The following PIGB variants were observed in gnomAD, a reference collection of about 807,000 sequenced individuals.
PIGB encodes the protein phosphatidylinositol glycan anchor biosynthesis class B, also known as GPI alpha-1,2-mannosyltransferase 3.
Under a neutral mutation model 68.4 loss-of-function variants are expected in PIGB, and 58 were observed. That is an observed-to-expected ratio of 0.85 (90% CI 0.69 to 1.06). PIGB has a LOEUF of 1.06. Among genes scored for constraint, PIGB ranks in the 50% least tolerant of loss-of-function variants. The pLI is 0.00. For missense variants in PIGB, 634 were observed against 655.8 expected, an observed-to-expected ratio of 0.97 and a Z score of 0.36; for synonymous variants, 219 against 220.5, an observed-to-expected ratio of 0.99 and a Z score of 0.06.
chr15:55,334,886 A>AT (rs2055499682), intron 6 of PIGB, among the ~76,000 whole-genome samples: 1 of 152,126 alleles, frequency 6.6e-6, no homozygotes, highest in African/African-American at 2.4e-5. Context: ...CGCCTGGCTA[A>AT]TTTTTTTATT....
In PIGB at chr15:55,339,302, G is replaced by GT; in HGVS notation, c.831dup (p.Ile278TyrfsTer12). ...TTGAGTTTGTCTCTGATGATTGATC[G>GT]TATTTTTTTTGGCCAAGTAAGTAAA... On this transcript the variant is annotated frameshift_variant, in exon 7 of 12. Coordinates refer to ENST00000164305, the MANE Select transcript of PIGB (RefSeq NM_004855.5). LOFTEE classifies it high-confidence loss of function. 6.4e-7 allele frequency: 1 copy of GT among 1,552,504 alleles called. No homozygotes were observed. Among genetic ancestry groups the GT allele is most frequent in the Non-Finnish European group, 8.7e-7 (1 of 1,146,854 alleles).
At chr15:55,352,654 T>C (rs936145585) in intron 10 of PIGB, among the ~76,000 whole-genome samples, 39 of 152,302 alleles carry the variant, frequency 2.6e-4, no homozygotes, top group African/African-American at 8.7e-4. Context: ...CCAGGTGTTG[T>C]GGCGCATGCC....
In PIGB at chr15:55,354,612, A is replaced by G. The variant is rs751787462; in HGVS notation, c.1338-186A>G. Reference sequence around the variant, plus strand: ...TATACTGCTGCTGCTGCATAGGTACATGGTATAAGAATCATGTTTTTTTTA... The same window carrying G: ...TATACTGCTGCTGCTGCATAGGTACGTGGTATAAGAATCATGTTTTTTTTA... On this transcript the variant is annotated intron_variant, in intron 10 of 11. Transcript: ENST00000164305. The G allele has an allele frequency of 9.0e-6, 5 of 553,308 alleles. No homozygotes were observed. In the South Asian group the frequency reaches 1.0e-4, roughly 11 times the overall value. 34.3% of individuals were successfully genotyped at this position (553,308 alleles called of 1,614,324 possible). A position where few individuals can be genotyped will look rare whatever the true frequency, so the allele number is the denominator to read the frequency against.
At chr15:55,331,389 A>G (rs1242462455) in intron 5 of PIGB, among the ~76,000 whole-genome samples, 2 of 152,132 alleles carry the variant, frequency 1.3e-5, no homozygotes, top group African/African-American at 2.4e-5. Context: ...AGACCTGACA[A>G]TAAAATGACA....
chr15:55,353,641 C>T (rs933200974), intron 10 of PIGB, among the ~76,000 whole-genome samples: 2 of 152,170 alleles, frequency 1.3e-5, no homozygotes, highest in East Asian at 1.9e-4. Flanking sequence ...CTTGCTCTGT[C>T]GCCCAGGCTG....
At position 55,330,895 on chromosome 15, in the gene PIGB, G is replaced by A. The variant is rs140308686; in HGVS notation, c.653+1041G>A. ...AAGAAAAAGCATTCACTCAAGTTAC[G>A]TATATGATGAGGACTTTATTTTAAG... On this transcript the variant is annotated intron_variant, in intron 5 of 11. Coordinates refer to ENST00000164305, the MANE Select transcript of PIGB (RefSeq NM_004855.5). 2.1e-3 allele frequency among the ~76,000 whole-genome samples: 320 copies of A among 152,234 alleles called. 1 individual carries two copies. Among genetic ancestry groups the A allele is most frequent in the African/African-American group, 7.3e-3 (303 of 41,548 alleles).
intron 9 of PIGB, among the ~76,000 whole-genome samples, chr15:55,344,686 A>G (rs2055749229): frequency 6.6e-6 from 1 of 152,276 alleles, no homozygotes; most frequent in Non-Finnish European, 1.5e-5. Flanking sequence ...TTGTTCAACA[A>G]TGTGCCTCAT....
At chr15:55,325,275 A>G (rs2055254782) in intron 3 of PIGB, among the ~76,000 whole-genome samples, 1 of 152,078 alleles carries the variant, frequency 6.6e-6, no homozygotes, top group South Asian at 2.1e-4. Flanking sequence ...GCCATGAGCC[A>G]AGATCGCACC....
In PIGB at chr15:55,339,275, C is replaced by G; in HGVS notation, c.803C>G (p.Thr268Ser). 6.4e-7 allele frequency: 1 copy of G among 1,551,720 alleles called. No individual in the cohort carries two copies. The highest frequency in any genetic ancestry group is 8.7e-7 in the Non-Finnish European group (1 of 1,146,872). The part of the protein sequence containing the change: ...LHHFLPVGFV[T>S]LSLSLMIDRI... ...CTATTTTTGTTTTTCAGCTTTGTTA[C>G]TTTGAGTTTGTCTCTGATGATTGAT... The change falls in exon 7 of 12, where the codon ACT (threonine) becomes AGT (serine). Residue 268 changes from threonine to serine, a missense_variant. By Grantham distance (58) the Thr-to-Ser change is moderately conservative (BLOSUM62 1). Coordinates refer to ENST00000164305, the MANE Select transcript of PIGB (RefSeq NM_004855.5).
intron 10 of PIGB, among the ~76,000 whole-genome samples, chr15:55,352,922 G>T (rs575673830): frequency 2.0e-5 from 3 of 152,240 alleles, no homozygotes; most frequent in African/African-American, 7.2e-5. Context: ...AATCATTAAT[G>T]CCAGTAATTA....
intron 11 of PIGB, 96 bp downstream of exon 11, chr15:55,355,074 T>G (rs1160431792): frequency 3.7e-6 from 4 of 1,092,274 alleles, no homozygotes; most frequent in South Asian, 1.5e-5. Context: ...CTTTTTATGG[T>G]CTGTTTCAAC....
chr15:55,350,555 G>C (rs1595804760), intron 9 of PIGB, 144 bp from the exon 10 acceptor site: 1 of 646,824 alleles, frequency 1.5e-6, no homozygotes, highest in East Asian at 2.6e-5. Flanking sequence ...TGAATGGTCA[G>C]AGATATGACT....
At chr15:55,349,592 A>T (rs967796781) in intron 9 of PIGB, 7 of 152,146 alleles carry the variant, frequency 4.6e-5, no homozygotes, top group Non-Finnish European at 7.3e-5. Context: ...ATTATTCTTT[A>T]ATCAGAACTA....
intron 3 of PIGB, among the ~76,000 whole-genome samples, chr15:55,326,775 TGCAGTGA>T (rs1408789360): frequency 2.6e-5 from 4 of 152,136 alleles, no homozygotes; most frequent in Admixed American, 1.3e-4. Flanking sequence ...AGGCGGAGCT[TGCAGTGA>T]GCCGCGGTTG....
At chr15:55,335,583 G>A (rs563771939) in intron 6 of PIGB, among the ~76,000 whole-genome samples, 5 of 152,276 alleles carry the variant, frequency 3.3e-5, no homozygotes, top group South Asian at 4.2e-4. Flanking sequence ...ATAATTGTGG[G>A]ATAAGAAGGA....
chr15:55,323,973 C>T (rs1211022148), intron 3 of PIGB, among the ~76,000 whole-genome samples: 3 of 152,248 alleles, frequency 2.0e-5, no homozygotes, highest in Non-Finnish European at 2.9e-5. Context: ...CTGTAACTGC[C>T]GCCTCCCGGG....
At chr15:55,335,713 A>C (rs978381924) in intron 6 of PIGB, among the ~76,000 whole-genome samples, 1 of 152,152 alleles carries the variant, frequency 6.6e-6, no homozygotes, top group Non-Finnish European at 1.5e-5. Context: ...AGAGTGAACC[A>C]TGTAGTTACT....
chr15:55,338,567 C>T (rs963531242), intron 6 of PIGB, among the ~76,000 whole-genome samples: 16 of 152,120 alleles, frequency 1.1e-4, no homozygotes, highest in Non-Finnish European at 1.9e-4. Flanking sequence ...ATCACTTGAG[C>T]CCAGGAGGTC....
chr15:55,329,396 A>G (rs2055363346), intron 4 of PIGB, among the ~76,000 whole-genome samples: 1 of 152,212 alleles, frequency 6.6e-6, no homozygotes, highest in South Asian at 2.1e-4. Context: ...ATGAATTTCA[A>G]TCATCTGTAA....
Sources: gnomAD v4.1 joint callset for allele counts (sites outside exome capture counted in the v4.1 genomes callset) on GRCh38, gnomAD v4.1.1 for gene constraint, MANE v1.5 for transcripts, NCBI Gene and HGNC (gene_info 2026-07-23, HGNC 2026-07-21) for gene names.